The following CCDC91 variants were observed in gnomAD, a reference collection of about 807,000 sequenced individuals.
The protein encoded by CCDC91 is coiled-coil domain-containing protein 91.
CCDC91 carries 48 observed loss-of-function variants against 63.2 expected under a neutral mutation model. The ratio of observed to expected loss-of-function variants is 0.76; its 90% CI spans 0.60 to 0.97. CCDC91 has a LOEUF of 0.97. CCDC91 is among the 50% of genes least tolerant of loss of function. The pLI is 0.00. For synonymous variants in CCDC91, 167 were observed against 165.8 expected, an observed-to-expected ratio of 1.01 and a Z score of -0.06; for missense variants, 500 against 494.6, an observed-to-expected ratio of 1.01 and a Z score of -0.10.
rs375088874 is a variant in CCDC91 at position 28,492,156 on chromosome 12, C to CTG, written c.1215+7995_1215+7996dup. Among the ~76,000 whole-genome samples, 420 of 151,788 alleles carry CTG rather than the reference C, an allele frequency of 2.8e-3. 6 individuals are homozygous for CTG. The highest frequency in any genetic ancestry group is 9.5e-3 in the African/African-American group (396 of 41,466). On this transcript the variant is annotated intron_variant, in intron 12 of 12. Coordinates refer to ENST00000536442, the MANE Select transcript of CCDC91 (RefSeq NM_018318.5). ...ATCTATATATTTACACAGCATGCAT[C>CTG]TGTGTATACTTTTCACTATCCCATC...
chr12:28,306,487 T>C (rs1436761897), intron 4 of CCDC91, among the ~76,000 whole-genome samples: 1 of 152,066 alleles, frequency 6.6e-6, no homozygotes, highest in Non-Finnish European at 1.5e-5. Flanking sequence ...AAGTTAAGTC[T>C]TTTAGTGCAT....
intron 11 of CCDC91, among the ~76,000 whole-genome samples, chr12:28,453,536 T>C (rs1949915571): frequency 6.6e-6 from 1 of 152,082 alleles, no homozygotes; most frequent in Admixed American, 6.6e-5. Flanking sequence ...TTTTAAAAGA[T>C]GTCACTTGTT....
rs887151725 is a variant in CCDC91, at chr12:28,484,097, A to G, written c.1147A>G (p.Lys383Glu). ...AATAGAAGAGCAGAAACGAAGTGAA[A>G]AGGCTGTGGAAGAGGCAGTGAAAAG... ...AIIEEQKRSE[K>E]AVEEAVKRTR... is the part of the protein sequence containing the mutation. Residue 383 changes from lysine (K) to glutamate (E), a missense_variant, in exon 12 of 13, where the codon AAG becomes GAG. By Grantham distance (56) the Lys-to-Glu change is moderately conservative (BLOSUM62 1). Transcript: ENST00000536442. The G allele has an allele frequency of 5.0e-6, 8 of 1,611,776 alleles. No individual in the cohort carries two copies. In the African/African-American group the frequency reaches 9.4e-5, roughly 19 times the overall value.
intron 11 of CCDC91, among the ~76,000 whole-genome samples, chr12:28,483,817 C>G (rs975685884): frequency 6.6e-6 from 1 of 152,074 alleles, no homozygotes; most frequent in Non-Finnish European, 1.5e-5. Flanking sequence ...GTCAGGCACT[C>G]CCTGCAATAA....
At chr12:28,321,008 G>T (rs1471628532) in intron 6 of CCDC91, among the ~76,000 whole-genome samples, 1 of 152,028 alleles carries the variant, frequency 6.6e-6, no homozygotes, top group Admixed American at 6.6e-5. Context: ...GAAGGACATT[G>T]TGGTTTTGAA....
At chr12:28,417,696 G>A (rs7296103) in intron 8 of CCDC91, among the ~76,000 whole-genome samples, 1,877 of 150,454 alleles carry the variant, frequency 0.012, 46 homozygotes, top group African/African-American at 0.043. Flanking sequence ...TATTAATAAC[G>A]TATCCATCAC....
intron 6 of CCDC91, among the ~76,000 whole-genome samples, chr12:28,333,425 CAAT>C (rs1941672955): frequency 6.9e-6 from 1 of 145,138 alleles, no homozygotes; most frequent in African/African-American, 2.5e-5. Flanking sequence ...ATTAAATAAA[CAAT>C]AAATTTTTTT....
chr12:28,402,644 T>C (rs926188521), intron 8 of CCDC91, among the ~76,000 whole-genome samples: 1 of 151,954 alleles, frequency 6.6e-6, no homozygotes, highest in African/African-American at 2.4e-5. Flanking sequence ...TATTTCCTTT[T>C]TTTGTATTAC....
chr12:28,414,925 C>T (rs1413412632), intron 8 of CCDC91, among the ~76,000 whole-genome samples: 1 of 152,070 alleles, frequency 6.6e-6, no homozygotes, highest in East Asian at 1.9e-4. Flanking sequence ...AAAACCCGTT[C>T]CTCTTGTTTA....
At position 28,345,931 on chromosome 12, in the gene CCDC91, TATG is replaced by T. The variant is rs577605641; in HGVS notation, c.577-16504_577-16502del. Among the ~76,000 whole-genome samples the T allele has an allele frequency of 1.3e-3, 192 of 152,302 alleles. 1 individual carries two copies. The highest frequency in any genetic ancestry group is 4.5e-3 in the African/African-American group (187 of 41,562). On this transcript the variant is annotated intron_variant, in intron 6 of 12. Coordinates refer to ENST00000536442, the MANE Select transcript of CCDC91 (RefSeq NM_018318.5). The stretch of plus-strand genomic sequence containing the variant: ...TTGATCCCTGAATTATATCACATAT[TATG>T]ATTAATTTTTTCTTCCTGAACAACT...
chr12:28,431,663 C>T (rs1229188584), intron 8 of CCDC91, among the ~76,000 whole-genome samples: 1 of 151,254 alleles, frequency 6.6e-6, no homozygotes, highest in Non-Finnish European at 1.5e-5. Flanking sequence ...TCCCATATAC[C>T]TCCTGTCCCC....
intron 7 of CCDC91, among the ~76,000 whole-genome samples, chr12:28,388,690 C>T (rs1456723797): frequency 6.6e-6 from 1 of 152,090 alleles, no homozygotes; most frequent in Non-Finnish European, 1.5e-5. Flanking sequence ...CAACAGCAGC[C>T]TACAAATTCA....
intron 6 of CCDC91, among the ~76,000 whole-genome samples, chr12:28,332,435 A>G (rs1941589437): frequency 1.3e-5 from 2 of 152,332 alleles, no homozygotes; most frequent in South Asian, 4.1e-4. Flanking sequence ...AGCATGACCT[A>G]AAAATATGAT....
At chr12:28,388,028 A>G (rs895185235) in intron 7 of CCDC91, among the ~76,000 whole-genome samples, 1 of 151,878 alleles carries the variant, frequency 6.6e-6, no homozygotes, top group African/African-American at 2.4e-5. Flanking sequence ...TTCTCTTTTC[A>G]CCATATCCCT....
At chr12:28,227,344 G>A (rs1445110568) in intron 1 of CCDC91, among the ~76,000 whole-genome samples, 1 of 152,054 alleles carries the variant, frequency 6.6e-6, no homozygotes, top group Non-Finnish European at 1.5e-5. Flanking sequence ...TGATGACCAT[G>A]GATATTTATT....
chr12:28,406,110 G>T (rs1946923263), intron 8 of CCDC91, among the ~76,000 whole-genome samples: 1 of 152,006 alleles, frequency 6.6e-6, no homozygotes, highest in African/African-American at 2.4e-5. Context: ...TAAGTTCCAG[G>T]GTACATGTGC....
At chr12:28,383,523 A>ACT (rs1454448516) in intron 7 of CCDC91, among the ~76,000 whole-genome samples, 2 of 152,062 alleles carry the variant, frequency 1.3e-5, no homozygotes, top group African/African-American at 4.8e-5. Flanking sequence ...ACTGTAATTT[A>ACT]CTCTTGAGAA....
chr12:28,460,531 C>T (rs1055084126), intron 11 of CCDC91, among the ~76,000 whole-genome samples: 10 of 151,970 alleles, frequency 6.6e-5, no homozygotes, highest in African/African-American at 2.4e-4. Flanking sequence ...ACCTGCTTTG[C>T]ATAGTTATTG....
intron 3 of CCDC91, among the ~76,000 whole-genome samples, chr12:28,261,861 T>C (rs981450864): frequency 1.3e-5 from 2 of 151,802 alleles, no homozygotes; most frequent in Admixed American, 6.6e-5. Context: ...ACTCACACAC[T>C]CTTTTTTCCC....
Sources: allele counts gnomAD v4.1 joint callset (sites outside exome capture counted in the v4.1 genomes callset), GRCh38; gene constraint gnomAD v4.1.1; transcripts MANE v1.5; gene names NCBI Gene and HGNC (gene_info 2026-07-23, HGNC 2026-07-21).